Variants in ASAP1 observed in about 807,000 individuals in gnomAD.
ASAP1 encodes the protein ArfGAP with SH3 domain, ankyrin repeat and PH domain 1.
ASAP1 carries 43 observed loss-of-function variants against 145.2 expected under a neutral mutation model. That is an observed-to-expected ratio of 0.30 (90% CI 0.23 to 0.38). The LOEUF is 0.38. Among genes scored for constraint, ASAP1 ranks in the 10% least tolerant of loss-of-function variants. ASAP1 has a pLI of 1.00. For synonymous variants in ASAP1, 546 were observed against 515.5 expected, an observed-to-expected ratio of 1.06 and a Z score of -0.80; for missense variants, 1,018 against 1,355.3, an observed-to-expected ratio of 0.75 and a Z score of 3.91.
At chr8:130,302,379 A>T (rs1822730472) in intron 3 of ASAP1, among the ~76,000 whole-genome samples, 1 of 152,252 alleles carries the variant, frequency 6.6e-6, no homozygotes, top group Non-Finnish European at 1.5e-5. Flanking sequence ...AAAATGTGGC[A>T]CTGTGAACAG....
intron 27 of ASAP1, among the ~76,000 whole-genome samples, chr8:130,064,152 TC>T (rs1168110961): frequency 6.6e-6 from 1 of 152,058 alleles, no homozygotes; most frequent in African/African-American, 2.4e-5. Flanking sequence ...TGTGGAAGGC[TC>T]CAGTGTTCTG....
chr8:130,388,847 G>T (rs1828142909), intron 2 of ASAP1, among the ~76,000 whole-genome samples: 1 of 152,166 alleles, frequency 6.6e-6, no homozygotes, highest in Admixed American at 6.5e-5. Flanking sequence ...TAGAGCCTGG[G>T]GATAATATAG....
At position 130,168,984 on chromosome 8, in the gene ASAP1, G is replaced by C; in HGVS notation, c.822+8C>G. 5.3e-6 allele frequency: 8 copies of C among 1,508,092 alleles called. No individual in the cohort carries two copies. The highest frequency in any genetic ancestry group is 5.4e-6 in the Non-Finnish European group (6 of 1,111,556). The allele number at this position is 1,508,092 out of a possible 1,614,324, so 93.4% of individuals were successfully genotyped here. ...AGTTAAACTGCATGTATTTTATAAA[G>C]AACTTACATTATATAAATCAGCAGC... On this transcript the variant is annotated splice_region_variant and intron_variant, in intron 10 of 29. Coordinates refer to ENST00000518721, the MANE Select transcript of ASAP1 (RefSeq NM_018482.4).
At chr8:130,096,217 A>G (rs572914536) in intron 24 of ASAP1, among the ~76,000 whole-genome samples, 2 of 152,338 alleles carry the variant, frequency 1.3e-5, no homozygotes, top group South Asian at 4.1e-4. Flanking sequence ...AGATTTAAAG[A>G]GCTCAGAAGA....
chr8:130,191,462 C>A (rs1296110592), intron 5 of ASAP1, among the ~76,000 whole-genome samples: 1 of 152,162 alleles, frequency 6.6e-6, no homozygotes, highest in Admixed American at 6.5e-5. Flanking sequence ...CTACTCTGTG[C>A]CACACACTAC....
intron 3 of ASAP1, among the ~76,000 whole-genome samples, chr8:130,260,358 C>T (rs1441959618): frequency 6.6e-6 from 1 of 152,178 alleles, no homozygotes; most frequent in Non-Finnish European, 1.5e-5. Context: ...TGCAGTTCAG[C>T]CTCCATGCTA....
At chr8:130,263,233 C>T (rs1820046892) in intron 3 of ASAP1, among the ~76,000 whole-genome samples, 1 of 152,116 alleles carries the variant, frequency 6.6e-6, no homozygotes, top group African/African-American at 2.4e-5. Flanking sequence ...CTAACTGAAC[C>T]AGGGAAGGTA....
At position 130,322,182 on chromosome 8, in the gene ASAP1, C is replaced by G. The variant is rs193117867; in HGVS notation, c.186+35835G>C. On this transcript the variant is annotated intron_variant, in intron 3 of 29. Transcript: ENST00000518721. ...CAAAATTTAAAAGTCAATAAAACAA[C>G]TTCCAAAAGAAGGCTATGTAGGTAT... Among the ~76,000 whole-genome samples the G allele has an allele frequency of 4.3e-3, 648 of 152,120 alleles. 7 individuals are homozygous for G. Among genetic ancestry groups the G allele is most frequent in the Non-Finnish European group, 4.3e-3 (295 of 68,008 alleles).
chr8:130,345,380 G>A (rs944417562), intron 3 of ASAP1, among the ~76,000 whole-genome samples: 4 of 152,042 alleles, frequency 2.6e-5, no homozygotes, highest in Non-Finnish European at 4.4e-5. Context: ...ATGCCTCCCC[G>A]TCAACTCGAA....
chr8:130,387,290 T>G (rs11992217), intron 2 of ASAP1, among the ~76,000 whole-genome samples: 54,114 of 151,950 alleles, frequency 0.36, 10,733 homozygotes, highest in African/African-American at 0.52. Flanking sequence ...AATCCCGGCA[T>G]TTGGGGAGGC....
Position 130,300,153 on chromosome 8 carries a change from C to CACAGAG in ASAP1, c.186+57863_186+57864insCTCTGT, listed in dbSNP as rs1196584279. ...ACACACACACACACACACACACACA[C>CACAGAG]AGAGAGAGAGAGAGAGAGAGAGAGA... On this transcript the variant is annotated intron_variant, in intron 3 of 29. Coordinates refer to ENST00000518721, the MANE Select transcript of ASAP1 (RefSeq NM_018482.4). Among the ~76,000 whole-genome samples, 139 of 76,908 alleles carry CACAGAG rather than the reference C, an allele frequency of 1.8e-3. 1 individual carries two copies. The highest frequency in any genetic ancestry group is 6.6e-3 in the South Asian group (12 of 1,824). The allele number at this position is 76,908 out of a possible 152,430, so 50.5% of individuals were successfully genotyped here.
Position 130,128,105 on chromosome 8 carries a change from A to C in ASAP1, c.1218-15T>G. On this transcript the variant is annotated splice_polypyrimidine_tract_variant and intron_variant, in intron 15 of 29. Coordinates refer to ENST00000518721, the MANE Select transcript of ASAP1 (RefSeq NM_018482.4). ...CTGATATCCATCTGTTGGTAAAAAC[A>C]TAAGAGGAAAAAAGTCTTTATAAGA... 1 of 1,492,316 alleles carries C rather than the reference A, an allele frequency of 6.7e-7. No homozygotes were observed. Among genetic ancestry groups the C allele is most frequent in the Non-Finnish European group, 8.9e-7 (1 of 1,120,400 alleles). The allele number at this position is 1,492,316 out of a possible 1,614,324, so 92.4% of individuals were successfully genotyped here. A position where few individuals can be genotyped will look rare whatever the true frequency, so the allele number is the denominator to read the frequency against.
Position 130,358,273 on chromosome 8 carries a change from C to A in ASAP1, c.60-130G>T, listed in dbSNP as rs1826471554. 1 of 612,068 alleles carries A rather than the reference C, an allele frequency of 1.6e-6. No homozygotes were observed. The highest frequency in any genetic ancestry group is 2.1e-6 in the Non-Finnish European group (1 of 470,020). The allele number at this position is 612,068 out of a possible 1,614,324, so 37.9% of individuals were successfully genotyped here. ...GCCACCCGCCGCCCGGCCTGGCGCG[C>A]GGCTCCCGTCCCCGGCAGCGGCGAG... On this transcript the variant is annotated intron_variant, in intron 2 of 29. Transcript: ENST00000518721. The surrounding 1 kb of genome is among the most constrained non-coding windows in gnomAD (Gnocchi z 4.1).
At chr8:130,335,329 G>A (rs1011682614) in intron 3 of ASAP1, among the ~76,000 whole-genome samples, 2 of 152,076 alleles carry the variant, frequency 1.3e-5, no homozygotes, top group Admixed American at 1.3e-4. Context: ...ATTCAATAAG[G>A]TCACTTTATG....
At chr8:130,272,325 AAAAC>A (rs1454437805) in intron 3 of ASAP1, among the ~76,000 whole-genome samples, 3 of 152,214 alleles carry the variant, frequency 2.0e-5, no homozygotes, top group South Asian at 2.1e-4. Context: ...TAAAAACACC[AAAAC>A]AAACAAACAA....
chr8:130,348,637 C>T (rs1825827519), intron 3 of ASAP1, among the ~76,000 whole-genome samples: 1 of 152,138 alleles, frequency 6.6e-6, no homozygotes, highest in Admixed American at 6.5e-5. Flanking sequence ...AATTAAAACT[C>T]GTTTTACTGA....
At chr8:130,410,291 T>C (rs919466242) in intron 1 of ASAP1, among the ~76,000 whole-genome samples, 3 of 152,202 alleles carry the variant, frequency 2.0e-5, no homozygotes, top group African/African-American at 7.2e-5. Flanking sequence ...CTACCTACTA[T>C]AAGCGATTAA....
chr8:130,180,622 A>G, intron 8 of ASAP1, 129 bp downstream of exon 8: 1 of 1,171,394 alleles, frequency 8.5e-7, no homozygotes, highest in Non-Finnish European at 1.2e-6. Context: ...GGAGATTAGA[A>G]TCCTTAAGAA....
chr8:130,368,097 G>A (rs1050215716), intron 2 of ASAP1, among the ~76,000 whole-genome samples: 5 of 152,186 alleles, frequency 3.3e-5, no homozygotes, highest in Admixed American at 3.3e-4. Flanking sequence ...CAAACCTTCT[G>A]AGACAGCATC....
Sources: gnomAD v4.1 joint callset for allele counts (sites outside exome capture counted in the v4.1 genomes callset) on GRCh38, gnomAD v4.1.1 for gene constraint, Gnocchi (gnomAD v3.1) non-coding constraint, MANE v1.5 for transcripts, NCBI Gene and HGNC (gene_info 2026-07-23, HGNC 2026-07-21) for gene names.